TENM1: variants seen among roughly 807,000 people sequenced by gnomAD.
TENM1 encodes teneurin-1.
Under a neutral mutation model 174.8 loss-of-function variants are expected in TENM1, and 35 were observed. That is an observed-to-expected ratio of 0.20 (90% CI 0.15 to 0.27). The LOEUF (loss-of-function observed/expected upper bound fraction) is 0.27, where lower values mean the gene tolerates loss of function less well. TENM1 is among the 10% of genes least tolerant of loss of function. The pLI is 1.00. For synonymous variants in TENM1, 781 were observed against 798.7 expected (o/e 0.98, Z 0.37); for missense variants, 1,633 against 2,130.1 (o/e 0.77, Z 4.59).
At chrX:124,816,886 T>C (rs1377968454) in intron 3 of TENM1, among the ~76,000 whole-genome samples, 1 of 111,197 alleles carries the variant, frequency 9.0e-6, no homozygotes, top group Non-Finnish European at 1.9e-5. Flanking sequence ...ATTTCTTTTT[T>C]TAAAATTTAA....
chrX:125,080,755 T>C, the TENM1 span, among the ~76,000 whole-genome samples: 1 of 110,805 alleles, frequency 9.0e-6, no homozygotes, highest in Non-Finnish European at 1.9e-5. Context: ...ATATCTTCTA[T>C]TCTGTATCTA....
chrX:124,608,522 T>G (rs1421874348), intron 11 of TENM1, among the ~76,000 whole-genome samples: 1 of 111,715 alleles, frequency 9.0e-6, no homozygotes, highest in Non-Finnish European at 1.9e-5. Context: ...CTTCTTTGCT[T>G]TACAGTAAGC....
At chrX:124,723,390 A>G (rs999918996) in intron 4 of TENM1, among the ~76,000 whole-genome samples, 1 of 111,307 alleles carries the variant, frequency 9.0e-6, no homozygotes, top group East Asian at 2.8e-4. Flanking sequence ...TTCCGTGATT[A>G]CTTTTCAGTC....
At chrX:124,940,811 T>C (rs2058314788) in intron 1 of TENM1, among the ~76,000 whole-genome samples, 1 of 111,619 alleles carries the variant, frequency 9.0e-6, no homozygotes, top group African/African-American at 3.3e-5. Flanking sequence ...ATCTGTATTC[T>C]GGATCCTTTA....
At chrX:124,508,127 C>T (rs1028251721) in intron 18 of TENM1, among the ~76,000 whole-genome samples, 2 of 111,687 alleles carry the variant, frequency 1.8e-5, no homozygotes, top group African/African-American at 3.3e-5. Context: ...CAAAATAGAC[C>T]AATACTATGT....
intron 15 of TENM1, among the ~76,000 whole-genome samples, chrX:124,533,178 C>A (rs1466049768): frequency 1.8e-5 from 2 of 111,576 alleles, no homozygotes; most frequent in East Asian, 5.6e-4. Context: ...GCATATTGTG[C>A]CACTTCGTTC....
intron 3 of TENM1, among the ~76,000 whole-genome samples, chrX:124,816,544 C>T (rs2055899508): frequency 9.0e-6 from 1 of 111,625 alleles, no homozygotes; most frequent in African/African-American, 3.2e-5. Context: ...TCTCTGGCAT[C>T]TTATTTCATG....
At chrX:124,733,849 T>C (rs369506874) in intron 4 of TENM1, among the ~76,000 whole-genome samples, 2 of 112,040 alleles carry the variant, frequency 1.8e-5, no homozygotes, top group East Asian at 5.6e-4. Context: ...CATGCCTAGA[T>C]GTACATTTCA....
Position 124,484,961 on chromosome X carries a change from G to A in TENM1, c.3716+2248C>T, listed in dbSNP as rs1332737979. Among the ~76,000 whole-genome samples, 4 of 111,528 alleles carry A rather than the reference G, an allele frequency of 3.6e-5. 1 individual carries two copies. Among genetic ancestry groups the A allele is most frequent in the Admixed American group, 2.9e-4 (3 of 10,477 alleles). ...GCCTGACAGGATTGGTGCTTAGTAC[G>A]TGCTAAACTAAACTGAACTGCAGGA... On this transcript the variant is annotated intron_variant, in intron 21 of 31. Transcript: ENST00000422452.
the TENM1 span, among the ~76,000 whole-genome samples, chrX:125,118,726 A>C: frequency 9.0e-6 from 1 of 110,510 alleles, no homozygotes; most frequent in Admixed American, 9.6e-5. Flanking sequence ...ACTGATACAC[A>C]TCTATTAGAA....
At chrX:125,139,466 A>C in the TENM1 span, among the ~76,000 whole-genome samples, 1 of 111,735 alleles carries the variant, frequency 8.9e-6, no homozygotes, top group East Asian at 2.8e-4. Flanking sequence ...TGGTGTCTAG[A>C]AGCAAAGCAT....
At chrX:124,608,760 T>C in intron 11 of TENM1, among the ~76,000 whole-genome samples, 1 of 105,160 alleles carries the variant, frequency 9.5e-6, no homozygotes, top group East Asian at 2.9e-4. Context: ...GGGAAAGAAC[T>C]GAAGCACCAG....
chrX:124,933,162 T>C (rs1314648320), intron 1 of TENM1, among the ~76,000 whole-genome samples: 1 of 112,366 alleles, frequency 8.9e-6, no homozygotes, highest in African/African-American at 3.2e-5. Flanking sequence ...CTGCTTTTCA[T>C]GAAGCCCTAC....
chrX:124,973,856 G>A, the TENM1 span, among the ~76,000 whole-genome samples: 4 of 111,911 alleles, frequency 3.6e-5, no homozygotes, highest in Admixed American at 9.5e-5. Flanking sequence ...ACTAACACAG[G>A]AACAGATAAC....
At chrX:124,746,570 C>A (rs1300844479) in intron 3 of TENM1, among the ~76,000 whole-genome samples, 1 of 111,543 alleles carries the variant, frequency 9.0e-6, no homozygotes, top group Non-Finnish European at 1.9e-5. Context: ...TCCCCGGACT[C>A]ACTCCAATTT....
chrX:124,986,680 C>T, the TENM1 span, among the ~76,000 whole-genome samples: 1 of 111,411 alleles, frequency 9.0e-6, no homozygotes, highest in Non-Finnish European at 1.9e-5. Context: ...CTTACTCTGT[C>T]GCCCAGGCTG....
At chrX:124,944,963 T>C (rs752128245) in intron 1 of TENM1, among the ~76,000 whole-genome samples, 4 of 111,177 alleles carry the variant, frequency 3.6e-5, no homozygotes, top group Admixed American at 2.9e-4. Context: ...TAATTACTCC[T>C]AGCACACCCT....
At chrX:124,853,654 T>A (rs1213839701) in intron 3 of TENM1, among the ~76,000 whole-genome samples, 1 of 110,599 alleles carries the variant, frequency 9.0e-6, no homozygotes, top group Non-Finnish European at 1.9e-5. Context: ...GTGCGTGGAG[T>A]AAATATTTCA....
the TENM1 span, among the ~76,000 whole-genome samples, chrX:125,079,192 A>G: frequency 8.9e-6 from 1 of 111,971 alleles, no homozygotes; most frequent in African/African-American, 3.2e-5. Flanking sequence ...AGATATAAAA[A>G]TAATAAATGC....
Sources: allele counts gnomAD v4.1 joint callset (sites outside exome capture counted in the v4.1 genomes callset), GRCh38; gene constraint gnomAD v4.1.1; transcripts MANE v1.5; gene names NCBI Gene and HGNC (gene_info 2026-07-23, HGNC 2026-07-21).